The following EI24 variants were observed in gnomAD, a reference collection of about 807,000 sequenced individuals.
The protein encoded by EI24 is etoposide-induced protein 2.4 homolog.
Under a neutral mutation model 48.6 loss-of-function variants are expected in EI24, and 21 were observed. The ratio of observed to expected loss-of-function variants is 0.43; its 90% CI spans 0.31 to 0.62. The LOEUF is 0.62. Among genes scored for constraint, EI24 ranks in the 20% least tolerant of loss-of-function variants. The probability of loss-of-function intolerance (pLI) is 0.10; values close to 1 mark genes in which losing one functional copy is unlikely to be tolerated. For synonymous variants in EI24, 114 were observed against 145.5 expected (o/e 0.78, Z 1.56); for missense variants, 280 against 410.5 (o/e 0.68, Z 2.75).
chr11:125,573,525 C>A, intron 2 of EI24: 1 of 391,610 alleles, frequency 2.6e-6, no homozygotes, highest in Non-Finnish European at 5.3e-6. Flanking sequence ...GGCAGGATTG[C>A]TTGAGTCTGG....
rs376955676 is a variant in EI24, at chr11:125,572,477, T to G, written c.-51T>G. On this transcript the variant is annotated 5_prime_UTR_variant, in exon 2 of 11. The change creates a new upstream start codon in the 5' untranslated region. Transcript: ENST00000278903. Reference sequence around the variant, plus strand: ...TTCCAGATCCTTCATGATGAGAGATTTGGGGACACTTCTCTCTCCTGTGTG... The same window carrying G: ...TTCCAGATCCTTCATGATGAGAGATGTGGGGACACTTCTCTCTCCTGTGTG... 6.5e-7 allele frequency: 1 copy of G among 1,543,042 alleles called. No homozygotes were observed. Among genetic ancestry groups the G allele is most frequent in the African/African-American group, 1.4e-5 (1 of 73,434 alleles).
intron 6 of EI24, among the ~76,000 whole-genome samples, chr11:125,578,480 CT>C (rs370986926): frequency 0.052 from 4,368 of 84,808 alleles, 17 homozygotes; most frequent in Middle Eastern, 0.064. Flanking sequence ...TTCGTTTTGG[CT>C]TTTTTTTTTT....
In EI24 at chr11:125,577,824, A is replaced by G. The variant is rs559648773; in HGVS notation, c.316+254A>G. The G allele has an allele frequency of 2.0e-4, 115 of 562,292 alleles. 3 individuals are homozygous for G. The highest frequency in any genetic ancestry group is 1.9e-3 in the South Asian group (74 of 39,086). The allele number at this position is 562,292 out of a possible 1,614,324, so 34.8% of individuals were successfully genotyped here. ...AAGGTTAAACCATTAGTAAGAGGCA[A>G]AGCTGAGATTTAAACCCAGATGGTA... On this transcript the variant is annotated intron_variant, in intron 5 of 10. Coordinates refer to ENST00000278903, the MANE Select transcript of EI24 (RefSeq NM_004879.5).
intron 1 of EI24, among the ~76,000 whole-genome samples, chr11:125,571,629 C>T (rs1938535859): frequency 6.6e-6 from 1 of 152,188 alleles, no homozygotes; most frequent in African/African-American, 2.4e-5. Flanking sequence ...GTAATCCTAG[C>T]ACTTTGGGAG....
rs1265847877 is a variant in EI24 at position 125,583,788 on chromosome 11, AG to A, written c.*108del. 1 of 1,486,456 alleles carries A rather than the reference AG, an allele frequency of 6.7e-7. No individual in the cohort carries two copies. Among genetic ancestry groups the A allele is most frequent in the African/African-American group, 1.4e-5 (1 of 71,706 alleles). 92.1% of individuals were successfully genotyped at this position (1,486,456 alleles called of 1,614,324 possible). On this transcript the variant is annotated 3_prime_UTR_variant, in exon 11 of 11. Coordinates refer to ENST00000278903, the MANE Select transcript of EI24 (RefSeq NM_004879.5). Reference sequence around the variant, plus strand: ...AGGGAAGGCAGGACCCGCTCTGCCAAGGGCCCTCTGCGTATTCCCTTCTCTC... The same window carrying A: ...AGGGAAGGCAGGACCCGCTCTGCCAAGGCCCTCTGCGTATTCCCTTCTCTC...
At chr11:125,572,179 C>T (rs1478108256) in intron 1 of EI24, among the ~76,000 whole-genome samples, 1 of 151,880 alleles carries the variant, frequency 6.6e-6, no homozygotes, top group East Asian at 1.9e-4. Flanking sequence ...GGTTACTGGT[C>T]AAGAGCACAT....
At chr11:125,578,872 C>T (rs111768998) in intron 6 of EI24, 77 bp from the exon 7 acceptor site, 101 of 1,479,036 alleles carry the variant, frequency 6.8e-5, no homozygotes, top group African/African-American at 1.8e-4. Flanking sequence ...GCTCTAGTGG[C>T]GGACTAGTGG....
intron 7 of EI24, 116 bp downstream of exon 7, chr11:125,579,184 G>T (rs1938883060): frequency 1.2e-6 from 1 of 846,206 alleles, no homozygotes; most frequent in East Asian, 3.3e-5. Context: ...TATATATGCT[G>T]GTGGGAGGTA....
chr11:125,575,353 G>A lies in EI24; in HGVS notation c.133G>A (p.Ala45Thr), dbSNP rs1938695822. Residue 45 changes from alanine to threonine, a missense_variant, in exon 3 of 11, where the codon GCA (alanine) becomes ACA (threonine). This residue lies in a region of EI24 where 204 missense variants were observed against 294.1 expected (regional missense o/e 0.69). Coordinates refer to ENST00000278903, the MANE Select transcript of EI24 (RefSeq NM_004879.5). ...GAGAGAGGAGCAGCGTCGAAGAAGG[G>A]CAAGTAGTGTCTTGGCACAGAGAAG... ...QKREEQRRRRASSVLAQRRAQ... is the reference protein window; with the variant it reads ...QKREEQRRRRTSSVLAQRRAQ... 1.3e-6 allele frequency: 2 copies of A among 1,588,330 alleles called. No individual in the cohort carries two copies. Among genetic ancestry groups the A allele is most frequent in the South Asian group, 2.3e-5 (2 of 86,650 alleles).
At position 125,583,951 on chromosome 11, in the gene EI24, C is replaced by T. The variant is rs1465846751; in HGVS notation, c.*268C>T. 6.2e-6 allele frequency: 3 copies of T among 483,228 alleles called. No individual in the cohort carries two copies. In the East Asian group the frequency reaches 1.2e-4, roughly 20 times the overall value. 29.9% of individuals were successfully genotyped at this position (483,228 alleles called of 1,614,324 possible). A position where few individuals can be genotyped will look rare whatever the true frequency, so the allele number is the denominator to read the frequency against. On this transcript the variant is annotated 3_prime_UTR_variant, in exon 11 of 11. Transcript: ENST00000278903. Reference sequence around the variant, plus strand: ...AGCTATTTTCTAGCATTTGCCAGTCCCTGTGCCTGGACTGATTGGAACACT... The same window carrying T: ...AGCTATTTTCTAGCATTTGCCAGTCTCTGTGCCTGGACTGATTGGAACACT...
intron 8 of EI24, chr11:125,580,983 GGGAGAATCGCTT>G (rs1276236467): frequency 6.3e-6 from 1 of 157,936 alleles, no homozygotes; most frequent in Non-Finnish European, 1.4e-5. Context: ...AGGCTGAGGT[GGGAGAATCGCTT>G]GAAACCAGGA....
intron 1 of EI24, among the ~76,000 whole-genome samples, chr11:125,570,883 C>T (rs7945490): frequency 0.18 from 27,001 of 152,100 alleles, 2,498 homozygotes; most frequent in East Asian, 0.3. Context: ...CTGCCCTCAC[C>T]TCAACCCTGA....
chr11:125,569,803 C>T (rs1045180447), intron 1 of EI24: 13 of 266,462 alleles, frequency 4.9e-5, no homozygotes, highest in African/African-American at 2.9e-4. Context: ...CCGGAGCGTG[C>T]GTGATCCGCA....
chr11:125,571,575 G>C (rs1938532628), intron 1 of EI24, among the ~76,000 whole-genome samples: 1 of 152,130 alleles, frequency 6.6e-6, no homozygotes, highest in Non-Finnish European at 1.5e-5. Context: ...TATATTTAAA[G>C]TTAGAAAACA....
At chr11:125,569,934 G>C (rs1486171981) in intron 1 of EI24, 1 of 163,494 alleles carries the variant, frequency 6.1e-6, no homozygotes, top group African/African-American at 2.4e-5. Flanking sequence ...GCAGCCCGTG[G>C]AGCCCCGTGG....
intron 4 of EI24, 88 bp from the exon 5 acceptor site, chr11:125,577,416 C>A: frequency 7.7e-7 from 1 of 1,305,982 alleles, no homozygotes; most frequent in South Asian, 1.3e-5. Flanking sequence ...AAAAGTCACT[C>A]CCATCTATAA....
chr11:125,570,973 C>T (rs1473986338), intron 1 of EI24, among the ~76,000 whole-genome samples: 1 of 152,168 alleles, frequency 6.6e-6, no homozygotes, highest in African/African-American at 2.4e-5. Context: ...GGAGTATTAA[C>T]AGAAGTTTCT....
intron 3 of EI24, chr11:125,576,038 C>T (rs999783982): frequency 5.5e-6 from 3 of 541,614 alleles, no homozygotes; most frequent in Non-Finnish European, 6.6e-6. Context: ...TGATCGCCTA[C>T]CACGGCCTCC....
chr11:125,582,921 C>T (rs1403012158), intron 10 of EI24, among the ~76,000 whole-genome samples: 2 of 152,182 alleles, frequency 1.3e-5, no homozygotes, highest in East Asian at 3.9e-4. Flanking sequence ...AACTCTTCTT[C>T]CTGCAACCAC....
Sources: allele counts gnomAD v4.1 joint callset (sites outside exome capture counted in the v4.1 genomes callset), GRCh38; gene constraint gnomAD v4.1.1; regional missense constraint gnomAD v4.1.1; transcripts MANE v1.5; gene names NCBI Gene and HGNC (gene_info 2026-07-23, HGNC 2026-07-21).